Variants in CNTN4 observed in about 807,000 individuals in gnomAD.
CNTN4 encodes the protein contactin-4.
CNTN4 carries 77 observed loss-of-function variants against 122.5 expected under a neutral mutation model. The ratio of observed to expected loss-of-function variants is 0.63; its 90% CI spans 0.52 to 0.76. CNTN4 has a LOEUF of 0.76. CNTN4 is among the 30% of genes least tolerant of loss of function. The pLI, the probability that CNTN4 is intolerant of heterozygous loss-of-function variation, is 0.00. For synonymous variants in CNTN4, 512 were observed against 447.0 expected (o/e 1.15, Z -1.83); for missense variants, 1,256 against 1,259.1 (o/e 1.00, Z 0.04).
intron 2 of CNTN4, among the ~76,000 whole-genome samples, chr3:2,256,109 A>C (rs1472447042): frequency 6.6e-6 from 1 of 152,222 alleles, no homozygotes; most frequent in East Asian, 1.9e-4. Flanking sequence ...TAAAGGGGAT[A>C]TCACCACTGA....
At chr3:2,154,050 TTC>T (rs1346504847) in intron 2 of CNTN4, among the ~76,000 whole-genome samples, 3 of 152,180 alleles carry the variant, frequency 2.0e-5, no homozygotes, top group East Asian at 1.9e-4. Context: ...AAAATTTACA[TTC>T]TGTTATTTTT....
At chr3:2,494,717 G>A (rs1048896031) in intron 3 of CNTN4, among the ~76,000 whole-genome samples, 2 of 152,118 alleles carry the variant, frequency 1.3e-5, no homozygotes, top group Non-Finnish European at 2.9e-5. Flanking sequence ...ATATTTCAGG[G>A]TAAAATACTT....
At chr3:2,740,022 C>T (rs946508228) in intron 5 of CNTN4, among the ~76,000 whole-genome samples, 5 of 151,978 alleles carry the variant, frequency 3.3e-5, no homozygotes, top group Middle Eastern at 3.4e-3. Context: ...CTGCTGTTTT[C>T]CAAGTACCTT....
At chr3:2,647,669 C>G (rs1315159437) in intron 4 of CNTN4, among the ~76,000 whole-genome samples, 1 of 152,044 alleles carries the variant, frequency 6.6e-6, no homozygotes, top group African/African-American at 2.4e-5. Flanking sequence ...GTGATTTTAC[C>G]TCCATGAGAC....
chr3:2,318,181 CT>C (rs1029566179), intron 2 of CNTN4, among the ~76,000 whole-genome samples: 1 of 146,618 alleles, frequency 6.8e-6, no homozygotes, highest in African/African-American at 2.5e-5. Flanking sequence ...CTGTGAATAA[CT>C]TCTCTAGCCT....
At chr3:3,020,718 G>A (rs981364644) in intron 14 of CNTN4, among the ~76,000 whole-genome samples, 4 of 152,184 alleles carry the variant, frequency 2.6e-5, no homozygotes, top group Non-Finnish European at 5.9e-5. Context: ...GTTACTCTTT[G>A]CTTTCTACTT....
At chr3:2,786,185 ATTTG>A (rs2091820594) in intron 6 of CNTN4, among the ~76,000 whole-genome samples, 1 of 151,688 alleles carries the variant, frequency 6.6e-6, no homozygotes. Flanking sequence ...CCACCCTCCA[ATTTG>A]TTTGTATGAC....
At chr3:2,679,490 A>T (rs557835357) in intron 4 of CNTN4, among the ~76,000 whole-genome samples, 3 of 152,328 alleles carry the variant, frequency 2.0e-5, no homozygotes, top group African/African-American at 7.2e-5. Flanking sequence ...TCTGAGGGGC[A>T]TGGAAGTGTG....
intron 13 of CNTN4, among the ~76,000 whole-genome samples, chr3:2,935,686 T>C (rs1341517090): frequency 6.6e-6 from 1 of 152,234 alleles, no homozygotes; most frequent in African/African-American, 2.4e-5. Flanking sequence ...CCAGAGACTT[T>C]TTTTTATCTT....
chr3:3,005,677 G>A lies in CNTN4; in HGVS notation c.1486+17205G>A, dbSNP rs80186285. On this transcript the variant is annotated intron_variant, in intron 14 of 24. Coordinates refer to ENST00000418658, the MANE Select transcript of CNTN4 (RefSeq NM_175607.3). ...TGGTCATTTACCACTGTATCCTTACGTGGCAGTAAGAGAACTAGCCGGCTT... is the reference window on the plus strand; with the variant it reads ...TGGTCATTTACCACTGTATCCTTACATGGCAGTAAGAGAACTAGCCGGCTT... Among the ~76,000 whole-genome samples the A allele has an allele frequency of 5.9e-3, 898 of 152,218 alleles. 6 individuals are homozygous for A. Among genetic ancestry groups the A allele is most frequent in the African/African-American group, 0.02 (831 of 41,520 alleles).
intron 2 of CNTN4, among the ~76,000 whole-genome samples, chr3:2,195,038 G>A (rs1239042686): frequency 1.3e-5 from 2 of 151,942 alleles, no homozygotes; most frequent in Non-Finnish European, 2.9e-5. Context: ...GTCTATCTGA[G>A]ACTTTATATC....
Position 2,483,640 on chromosome 3 carries a change from T to C in CNTN4, c.-88-87776T>C, listed in dbSNP as rs183602388. Among the ~76,000 whole-genome samples the C allele has an allele frequency of 2.9e-4, 44 of 152,278 alleles. 1 individual carries two copies. The highest frequency in any genetic ancestry group is 1.0e-3 in the African/African-American group (42 of 41,574). On this transcript the variant is annotated intron_variant, in intron 3 of 24. Transcript: ENST00000418658. ...CATGGGGGCCATTTCCCCAATGCTGTTCTCATGATAGTGAGTGAGTTCTCA... is the reference window on the plus strand; with the variant it reads ...CATGGGGGCCATTTCCCCAATGCTGCTCTCATGATAGTGAGTGAGTTCTCA...
intron 2 of CNTN4, among the ~76,000 whole-genome samples, chr3:2,292,496 C>G (rs1464551309): frequency 6.6e-6 from 1 of 151,992 alleles, no homozygotes; most frequent in African/African-American, 2.4e-5. Context: ...AACTTTTTGA[C>G]AGCCATTAAC....
intron 3 of CNTN4, among the ~76,000 whole-genome samples, chr3:2,532,927 C>T (rs1438319603): frequency 2.0e-5 from 3 of 151,966 alleles, no homozygotes; most frequent in East Asian, 1.9e-4. Context: ...AACTCATAGC[C>T]TTACGAGTTT....
At chr3:2,601,124 G>T (rs1254687613) in intron 4 of CNTN4, among the ~76,000 whole-genome samples, 1 of 152,078 alleles carries the variant, frequency 6.6e-6, no homozygotes, top group Non-Finnish European at 1.5e-5. Context: ...TGAGTAGATT[G>T]CAAAAATTTT....
intron 6 of CNTN4, among the ~76,000 whole-genome samples, chr3:2,775,684 C>A (rs2091288116): frequency 6.6e-6 from 1 of 152,106 alleles, no homozygotes; most frequent in Non-Finnish European, 1.5e-5. Context: ...GCCTCCCAAA[C>A]TGCTGAGATG....
At chr3:2,764,750 A>G (rs1399091637) in intron 6 of CNTN4, among the ~76,000 whole-genome samples, 1 of 152,182 alleles carries the variant, frequency 6.6e-6, no homozygotes, top group African/African-American at 2.4e-5. Flanking sequence ...TGTAACAATA[A>G]CAGGAGCTAA....
intron 9 of CNTN4, among the ~76,000 whole-genome samples, chr3:2,884,003 G>A (rs537776051): frequency 2.0e-5 from 3 of 152,236 alleles, no homozygotes; most frequent in South Asian, 4.1e-4. Context: ...TTAATGATCC[G>A]TGTCAATCTT....
At chr3:2,196,044 A>C (rs567640772) in intron 2 of CNTN4, among the ~76,000 whole-genome samples, 25 of 152,266 alleles carry the variant, frequency 1.6e-4, no homozygotes, top group African/African-American at 5.8e-4. Context: ...GAAATAAATA[A>C]ACTTCTGCAG....
Sources: gnomAD v4.1 joint callset for allele counts (sites outside exome capture counted in the v4.1 genomes callset) on GRCh38, gnomAD v4.1.1 for gene constraint, MANE v1.5 for transcripts, NCBI Gene and HGNC (gene_info 2026-07-23, HGNC 2026-07-21) for gene names.